Variants in GSE1 observed in about 807,000 individuals in gnomAD.
GSE1 encodes Gse1 coiled-coil protein, also known as genetic suppressor element 1.
GSE1 carries 32 observed loss-of-function variants against 112.6 expected under a neutral mutation model. The ratio of observed to expected loss-of-function variants is 0.28; its 90% CI spans 0.21 to 0.38. The LOEUF is 0.38. Ranked by LOEUF, GSE1 falls within the 10% of genes least tolerant of loss-of-function variation. The probability of loss-of-function intolerance (pLI) is 1.00; values close to 1 mark genes in which losing one functional copy is unlikely to be tolerated. For synonymous variants in GSE1, 1,115 were observed against 735.6 expected (o/e 1.52, Z -8.35); for missense variants, 2,348 against 1,699.2 (o/e 1.38, Z -6.71).
Position 85,656,321 on chromosome 16 carries a change from C to T in GSE1, c.990-22C>T, listed in dbSNP as rs750032373. ...CTTGTTCCTGGTGCAGCAGAGCCCC[C>T]AACTCTTTCCATGTGCTGCAGGCTG... On this transcript the variant is annotated intron_variant, in intron 6 of 15. Coordinates refer to ENST00000253458, the MANE Select transcript of GSE1 (RefSeq NM_014615.5). 5.0e-6 allele frequency: 8 copies of T among 1,609,422 alleles called. No homozygotes were observed. The African/African-American group carries it at 6.7e-5, about 13-fold the overall frequency.
intron 1 of GSE1, among the ~76,000 whole-genome samples, chr16:85,236,309 C>G (rs1029239682): frequency 6.6e-6 from 1 of 152,216 alleles, no homozygotes; most frequent in South Asian, 2.1e-4. Context: ...ATGCTGACTT[C>G]TGTGTAAAAG....
intron 1 of GSE1, among the ~76,000 whole-genome samples, chr16:85,556,852 C>A (rs892153223): frequency 1.3e-5 from 2 of 151,786 alleles, no homozygotes; most frequent in African/African-American, 2.4e-5. Flanking sequence ...CCGCCGCCCC[C>A]CTTCCTGCCT....
intron 1 of GSE1, among the ~76,000 whole-genome samples, chr16:85,622,943 T>A (rs1236761187): frequency 1.3e-5 from 2 of 152,080 alleles, no homozygotes; most frequent in Non-Finnish European, 2.9e-5. Flanking sequence ...AGACCTGGTG[T>A]TGAGGAAGCT....
At chr16:85,434,926 C>A (rs2049209755) in intron 2 of GSE1, among the ~76,000 whole-genome samples, 1 of 152,240 alleles carries the variant, frequency 6.6e-6, no homozygotes, top group Non-Finnish European at 1.5e-5. Context: ...TGGTCGCAGC[C>A]TTTCCCTGTC....
chr16:85,657,231 T>C, intron 7 of GSE1, 46 bp from the exon 8 acceptor site: 1 of 1,328,018 alleles, frequency 7.5e-7, no homozygotes, highest in South Asian at 1.4e-5. Context: ...GGGAGCATGC[T>C]GGCCCACGTG....
chr16:85,539,492 C>T (rs886782103), intron 2 of GSE1, among the ~76,000 whole-genome samples: 9 of 152,184 alleles, frequency 5.9e-5, no homozygotes, highest in East Asian at 5.8e-4. Flanking sequence ...ACAGGCTTTT[C>T]GAGCCAAGGC....
At chr16:85,571,616 T>TG (rs2045984146) in intron 1 of GSE1, among the ~76,000 whole-genome samples, 1 of 152,208 alleles carries the variant, frequency 6.6e-6, no homozygotes, top group Non-Finnish European at 1.5e-5. Context: ...GGGAGGTCTT[T>TG]GCCGTGTTTG....
At chr16:85,271,144 T>A (rs543130710) in intron 1 of GSE1, among the ~76,000 whole-genome samples, 1 of 152,050 alleles carries the variant, frequency 6.6e-6, no homozygotes, top group South Asian at 2.1e-4. Flanking sequence ...TTTACTAGTG[T>A]CTGTGGGAAT....
At chr16:85,508,152 G>A (rs763517511) in intron 2 of GSE1, among the ~76,000 whole-genome samples, 3 of 152,316 alleles carry the variant, frequency 2.0e-5, no homozygotes, top group Non-Finnish European at 4.4e-5. Context: ...TCATGTCTCA[G>A]CCTCCCGAGT....
At chr16:85,275,186 C>A (rs756752052) in intron 1 of GSE1, among the ~76,000 whole-genome samples, 5 of 152,150 alleles carry the variant, frequency 3.3e-5, no homozygotes, top group Non-Finnish European at 7.4e-5. Flanking sequence ...ACCACGTGGC[C>A]TGAAGTCTTA....
At chr16:85,193,242 G>A (rs539518948) in intron 1 of GSE1, among the ~76,000 whole-genome samples, 1 of 152,198 alleles carries the variant, frequency 6.6e-6, no homozygotes, top group African/African-American at 2.4e-5. Flanking sequence ...TTGAACACTC[G>A]TGACGTGGAT....
chr16:85,527,568 C>T (rs1015118688), intron 2 of GSE1, among the ~76,000 whole-genome samples: 10 of 152,268 alleles, frequency 6.6e-5, no homozygotes, highest in African/African-American at 1.9e-4. Flanking sequence ...CCTACGCACC[C>T]GCGCCACACT....
chr16:85,331,160 A>C (rs2046331927), intron 1 of GSE1, among the ~76,000 whole-genome samples: 1 of 149,546 alleles, frequency 6.7e-6, no homozygotes, highest in African/African-American at 2.5e-5. Context: ...TTATTTATTT[A>C]TTTATTTTTT....
intron 2 of GSE1, among the ~76,000 whole-genome samples, chr16:85,371,330 G>C (rs189121265): frequency 6.6e-6 from 1 of 152,320 alleles, no homozygotes; most frequent in Non-Finnish European, 1.5e-5. Flanking sequence ...CCAGGGAGTG[G>C]GTCTTGGGAC....
chr16:85,548,227 CAAAAAAA>C lies in GSE1; in HGVS notation c.2465-85674_2465-85668del, dbSNP rs1241025677. 3.3e-4 allele frequency among the ~76,000 whole-genome samples: 23 copies of C among 70,122 alleles called. No individual in the cohort carries two copies. The South Asian group carries it at 0.01, about 31-fold the overall frequency. The allele number at this position is 70,122 out of a possible 152,430, so 46.0% of individuals were successfully genotyped here. On this transcript the variant is annotated intron_variant, in intron 2 of 2. Transcript: ENST00000637419. Reference sequence around the variant, plus strand: ...CTGGTGACAGAGTGAGACTCTTTCTCAAAAAAAAAAAAAAAAAAAGAAAGAAAGAAAG... The same window carrying C: ...CTGGTGACAGAGTGAGACTCTTTCTCAAAAAAAAAAAAGAAAGAAAGAAAG...
chr16:85,595,828 C>A lies in GSE1; in HGVS notation c.37+39465C>A. On this transcript the variant is annotated intron_variant, in intron 1 of 2. Coordinates refer to the GSE1 transcript ENST00000635906. ...CCCACCCACCCACCCACCCACCCAC[C>A]CACTCTTCCATCTACCCACACATCC... 1.6e-5 allele frequency: 2 copies of A among 126,232 alleles called. 1 individual carries two copies. Among genetic ancestry groups the A allele is most frequent in the Non-Finnish European group, 3.4e-5 (2 of 59,458 alleles). The allele number at this position is 126,232 out of a possible 1,614,324, so 7.8% of individuals were successfully genotyped here.
chr16:85,214,452 G>A (rs576462474), intron 1 of GSE1, among the ~76,000 whole-genome samples: 1 of 152,296 alleles, frequency 6.6e-6, no homozygotes, highest in South Asian at 2.1e-4. Flanking sequence ...CTGACCAAGC[G>A]ATGCGCAGGA....
chr16:85,264,049 C>T (rs972395320), intron 1 of GSE1, among the ~76,000 whole-genome samples: 1 of 152,068 alleles, frequency 6.6e-6, no homozygotes, highest in African/African-American at 2.4e-5. Context: ...CTCCACAGAC[C>T]CTTAGCACTA....
At chr16:85,568,088 A>T (rs2045835008) in intron 1 of GSE1, among the ~76,000 whole-genome samples, 1 of 152,148 alleles carries the variant, frequency 6.6e-6, no homozygotes, top group African/African-American at 2.4e-5. Context: ...TGGGAGATGC[A>T]ATTGATGTTT....
Sources: allele counts gnomAD v4.1 joint callset (sites outside exome capture counted in the v4.1 genomes callset), GRCh38; gene constraint gnomAD v4.1.1; transcripts MANE v1.5; gene names NCBI Gene and HGNC (gene_info 2026-07-23, HGNC 2026-07-21).